FAM168A: variants seen among roughly 807,000 people sequenced by gnomAD.
The protein encoded by FAM168A is protein FAM168A.
Under a neutral mutation model 28.5 loss-of-function variants are expected in FAM168A, and 3 were observed. The observed-to-expected ratio is 0.11, with a 90% confidence interval of 0.05 to 0.27. The LOEUF (loss-of-function observed/expected upper bound fraction) is 0.27, where lower values mean the gene tolerates loss of function less well. FAM168A is among the 10% of genes least tolerant of loss of function. The pLI is 1.00. For missense variants in FAM168A, 222 were observed against 311.5 expected (o/e 0.71, Z 2.16); for synonymous variants, 122 against 124.2 (o/e 0.98, Z 0.12).
At chr11:73,445,422 T>C (rs1259118471) in intron 2 of FAM168A, among the ~76,000 whole-genome samples, 9 of 79,060 alleles carry the variant, frequency 1.1e-4, no homozygotes, top group Non-Finnish European at 2.2e-4. Flanking sequence ...AATGTCTCTT[T>C]TTTTTTTTTT....
intron 1 of FAM168A, among the ~76,000 whole-genome samples, chr11:73,552,571 TC>T: frequency 6.6e-6 from 1 of 152,220 alleles, no homozygotes. Context: ...AACTACAGTT[TC>T]TTTATTTGCT....
At chr11:73,468,174 A>G (rs1438133045) in intron 2 of FAM168A, among the ~76,000 whole-genome samples, 5 of 152,172 alleles carry the variant, frequency 3.3e-5, no homozygotes, top group Non-Finnish European at 7.4e-5. Context: ...ATCAAATCAA[A>G]TGTTTGCAGA....
At chr11:73,513,212 T>TG (rs1565278092) in intron 1 of FAM168A, among the ~76,000 whole-genome samples, 1 of 142,598 alleles carries the variant, frequency 7.0e-6, no homozygotes, top group East Asian at 2.0e-4. Flanking sequence ...TTAATTTTTT[T>TG]TTTTTTTTTT....
intron 1 of FAM168A, among the ~76,000 whole-genome samples, chr11:73,551,561 G>A (rs1590849638): frequency 1.3e-5 from 2 of 152,208 alleles, no homozygotes; most frequent in East Asian, 1.9e-4. Context: ...TCCGGATTTC[G>A]AACTAAAACT....
chr11:73,502,226 A>G (rs1013215992), intron 1 of FAM168A, among the ~76,000 whole-genome samples: 5 of 152,052 alleles, frequency 3.3e-5, no homozygotes, highest in African/African-American at 1.2e-4. Context: ...TGGTTTTCTG[A>G]AAAAATTAAC....
At chr11:73,558,469 T>TAAA (rs367874557) in intron 1 of FAM168A, among the ~76,000 whole-genome samples, 2 of 75,572 alleles carry the variant, frequency 2.6e-5, no homozygotes, top group Admixed American at 1.7e-4. Context: ...ACCCTGTCTC[T>TAAA]AAAAAAAAAA....
intron 4 of FAM168A, among the ~76,000 whole-genome samples, chr11:73,412,923 A>T (rs1007111503): frequency 2.0e-5 from 3 of 152,222 alleles, no homozygotes; most frequent in Non-Finnish European, 4.4e-5. Flanking sequence ...TTATTGGAAG[A>T]GAAGACATCT....
At chr11:73,541,742 T>C (rs1343467813) in intron 1 of FAM168A, among the ~76,000 whole-genome samples, 2 of 152,154 alleles carry the variant, frequency 1.3e-5, no homozygotes, top group African/African-American at 4.8e-5. Flanking sequence ...GTTATGATGA[T>C]TAAATGAGAT....
intron 1 of FAM168A, among the ~76,000 whole-genome samples, chr11:73,500,985 T>A: frequency 6.9e-6 from 1 of 145,528 alleles, no homozygotes. Flanking sequence ...AATAAAGGGA[T>A]GGAAGAAAAT....
intron 1 of FAM168A, among the ~76,000 whole-genome samples, chr11:73,585,871 C>CAAAAAAAAAAAAAAAA (rs11358691): frequency 1.2e-5 from 1 of 81,658 alleles, no homozygotes; most frequent in East Asian, 4.0e-4. Context: ...CCATCTCAAA[C>CAAAAAAAAAAAAAAAA]AAAAAAAAAA....
chr11:73,562,100 G>A (rs1458926049), intron 1 of FAM168A, among the ~76,000 whole-genome samples: 1 of 152,148 alleles, frequency 6.6e-6, no homozygotes, highest in Admixed American at 6.5e-5. Flanking sequence ...ACGCCACCAC[G>A]TCCAGCTAAT....
At chr11:73,485,450 T>C (rs948672112) in intron 1 of FAM168A, among the ~76,000 whole-genome samples, 4 of 152,154 alleles carry the variant, frequency 2.6e-5, no homozygotes, top group African/African-American at 4.8e-5. Flanking sequence ...AAACACTTAA[T>C]AGGAATAAAC....
chr11:73,492,725 A>G (rs1455590138), intron 1 of FAM168A, among the ~76,000 whole-genome samples: 1 of 152,156 alleles, frequency 6.6e-6, no homozygotes, highest in African/African-American at 2.4e-5. Context: ...GGCACAGATG[A>G]TAAGAGAATA....
intron 4 of FAM168A, among the ~76,000 whole-genome samples, chr11:73,413,881 CACAG>C (rs373653309): frequency 6.6e-6 from 1 of 152,216 alleles, no homozygotes; most frequent in East Asian, 1.9e-4. Context: ...GCCTGGGTAA[CACAG>C]ACAGACTACA....
At chr11:73,494,519 C>A (rs762350056) in intron 1 of FAM168A, among the ~76,000 whole-genome samples, 12 of 152,278 alleles carry the variant, frequency 7.9e-5, no homozygotes, top group Middle Eastern at 6.8e-3. Context: ...CTCAGAAAAA[C>A]CTGGCAGAAC....
At chr11:73,515,728 T>C (rs990383570) in intron 1 of FAM168A, among the ~76,000 whole-genome samples, 3 of 151,932 alleles carry the variant, frequency 2.0e-5, no homozygotes, top group Non-Finnish European at 2.9e-5. Context: ...AGAAATGTCA[T>C]AGAAAGAATG....
chr11:73,497,397 G>A (rs552262030), intron 1 of FAM168A, among the ~76,000 whole-genome samples: 6 of 151,922 alleles, frequency 3.9e-5, no homozygotes, highest in Admixed American at 2.0e-4. Context: ...CCTGGGAGGC[G>A]GAGGTTGCAC....
At chr11:73,544,769 A>G (rs1481583026) in intron 1 of FAM168A, among the ~76,000 whole-genome samples, 1 of 95,438 alleles carries the variant, frequency 1.0e-5, no homozygotes, top group Non-Finnish European at 1.8e-5. Flanking sequence ...AATTATATAT[A>G]ATTATATATA....
rs201878144 is a variant in FAM168A, at chr11:73,484,498, G to GGAGAGAGA, written c.-18-16014_-18-16007dup. 4.5e-4 allele frequency among the ~76,000 whole-genome samples: 64 copies of GGAGAGAGA among 143,156 alleles called. 1 individual carries two copies. Among genetic ancestry groups the GGAGAGAGA allele is most frequent in the African/African-American group, 1.7e-3 (63 of 37,298 alleles). The allele number at this position is 143,156 out of a possible 152,430, so 93.9% of individuals were successfully genotyped here. On this transcript the variant is annotated intron_variant, in intron 1 of 7. Coordinates refer to ENST00000356467, the MANE Select transcript of FAM168A (RefSeq NM_015159.3). ...GTTCTCTAGAGGGGCAGAACTAAGA[G>GGAGAGAGA]GAGAGAGAGATATATATAGATATAT...
Sources: allele counts gnomAD v4.1 joint callset (sites outside exome capture counted in the v4.1 genomes callset), GRCh38; gene constraint gnomAD v4.1.1; transcripts MANE v1.5; gene names NCBI Gene and HGNC (gene_info 2026-07-23, HGNC 2026-07-21).